PDE7B: variants seen among roughly 807,000 people sequenced by gnomAD.
The protein encoded by PDE7B is phosphodiesterase 7B, also known as 3',5'-cyclic-AMP phosphodiesterase 7B.
PDE7B carries 29 observed loss-of-function variants against 56.2 expected under a neutral mutation model. That is an observed-to-expected ratio of 0.52 (90% CI 0.38 to 0.70). The LOEUF (loss-of-function observed/expected upper bound fraction) is 0.70, where lower values mean the gene tolerates loss of function less well. Among genes scored for constraint, PDE7B ranks in the 30% least tolerant of loss-of-function variants. The pLI, the probability that PDE7B is intolerant of heterozygous loss-of-function variation, is 0.00. For synonymous variants in PDE7B, 197 were observed against 196.9 expected, an observed-to-expected ratio of 1.00 and a Z score of 0.00; for missense variants, 490 against 565.0, an observed-to-expected ratio of 0.87 and a Z score of 1.35.
intron 1 of PDE7B, among the ~76,000 whole-genome samples, chr6:135,908,241 A>C (rs1667732247): frequency 6.7e-6 from 1 of 149,852 alleles, no homozygotes; most frequent in Non-Finnish European, 1.5e-5. Context: ...GGCATGTGCC[A>C]CCACGCCCGA....
intron 1 of PDE7B, among the ~76,000 whole-genome samples, chr6:135,901,015 C>T (rs369654143): frequency 7.2e-5 from 11 of 152,142 alleles, no homozygotes; most frequent in African/African-American, 2.4e-4. Flanking sequence ...GTTTTGAATG[C>T]CACCTTGGAC....
In PDE7B at chr6:136,043,251, T is replaced by C. The variant is rs565708192; in HGVS notation, c.83-65480T>C. On this transcript the variant is annotated intron_variant, in intron 2 of 12. Coordinates refer to ENST00000308191, the MANE Select transcript of PDE7B (RefSeq NM_018945.4). The stretch of plus-strand genomic sequence containing the variant: ...TAAATGTGAATGCAAATTGAGTCAA[T>C]ACTGGAGTACATCATCTCACTTTGA... Among the ~76,000 whole-genome samples the C allele has an allele frequency of 1.7e-4, 26 of 152,318 alleles. No individual in the cohort carries two copies. In the East Asian group the frequency reaches 2.7e-3, roughly 16 times the overall value.
At chr6:135,975,211 G>T (rs1218305583) in intron 2 of PDE7B, among the ~76,000 whole-genome samples, 1 of 147,850 alleles carries the variant, frequency 6.8e-6, no homozygotes, top group Non-Finnish European at 1.5e-5. Flanking sequence ...TATACTGATT[G>T]ATAAATGTTG....
At chr6:135,907,453 G>A (rs914069555) in intron 1 of PDE7B, among the ~76,000 whole-genome samples, 3 of 151,930 alleles carry the variant, frequency 2.0e-5, no homozygotes, top group Admixed American at 6.6e-5. Context: ...GTTGCTCAGC[G>A]GTGCTTTTAG....
intron 3 of PDE7B, among the ~76,000 whole-genome samples, chr6:136,143,212 C>G (rs1042284446): frequency 6.6e-6 from 1 of 151,954 alleles, no homozygotes. Context: ...TTTTTAAACA[C>G]CATCTGAGTT....
At chr6:135,962,941 G>A (rs1774931966) in intron 2 of PDE7B, among the ~76,000 whole-genome samples, 2 of 152,154 alleles carry the variant, frequency 1.3e-5, no homozygotes, top group South Asian at 4.1e-4. Context: ...CAAAACAATA[G>A]GAAAGTCAAG....
intron 2 of PDE7B, among the ~76,000 whole-genome samples, chr6:135,961,255 A>ATGTGTGTGTGTGTGTGTGTGTGTG (rs961322926): frequency 5.3e-4 from 77 of 146,160 alleles, no homozygotes; most frequent in African/African-American, 2.0e-3. Flanking sequence ...TAGAGTGTAT[A>ATGTGTGTGTGTGTGTGTGTGTGTG]TGTGTGTGTG....
chr6:135,938,836 G>A (rs1774462348), intron 1 of PDE7B, among the ~76,000 whole-genome samples: 1 of 152,066 alleles, frequency 6.6e-6, no homozygotes, highest in Non-Finnish European at 1.5e-5. Context: ...TAAAATGACA[G>A]AAAACACAGT....
At chr6:136,017,862 T>C (rs754129930) in intron 2 of PDE7B, among the ~76,000 whole-genome samples, 16 of 152,136 alleles carry the variant, frequency 1.1e-4, no homozygotes, top group Non-Finnish European at 1.8e-4. Context: ...AATCTAAATA[T>C]GATCAAGAAG....
intron 2 of PDE7B, among the ~76,000 whole-genome samples, chr6:136,022,494 C>T (rs997117543): frequency 1.7e-4 from 26 of 152,150 alleles, no homozygotes; most frequent in African/African-American, 6.0e-4. Flanking sequence ...GGTCAAGGAC[C>T]TCATCTTTTT....
intron 2 of PDE7B, among the ~76,000 whole-genome samples, chr6:135,981,809 A>G (rs777953368): frequency 8.6e-5 from 13 of 151,674 alleles, no homozygotes; most frequent in Admixed American, 5.3e-4. Context: ...AAAATAAAGT[A>G]TAATATGGTA....
intron 2 of PDE7B, among the ~76,000 whole-genome samples, chr6:136,102,994 A>G (rs1358259252): frequency 6.6e-6 from 1 of 152,188 alleles, no homozygotes; most frequent in African/African-American, 2.4e-5. Flanking sequence ...GAAGAGAAGA[A>G]AGAACTTTTT....
chr6:136,063,768 C>A (rs933902488), intron 2 of PDE7B, among the ~76,000 whole-genome samples: 8 of 152,192 alleles, frequency 5.3e-5, no homozygotes, highest in Non-Finnish European at 1.2e-4. Flanking sequence ...TGAACGTTTA[C>A]TCAAAATTGT....
At chr6:136,115,922 G>T (rs995561568) in intron 3 of PDE7B, among the ~76,000 whole-genome samples, 3 of 152,098 alleles carry the variant, frequency 2.0e-5, no homozygotes, top group Admixed American at 6.5e-5. Context: ...CCGGGGAGAT[G>T]GGGGAGAAAC....
At chr6:135,951,636 A>G (rs142477243) in intron 2 of PDE7B, among the ~76,000 whole-genome samples, 1 of 152,122 alleles carries the variant, frequency 6.6e-6, no homozygotes, top group African/African-American at 2.4e-5. Context: ...TTTTCTTATT[A>G]TTAGAATGGG....
At chr6:136,136,725 A>G (rs1459373114) in intron 3 of PDE7B, among the ~76,000 whole-genome samples, 2 of 151,766 alleles carry the variant, frequency 1.3e-5, no homozygotes, top group East Asian at 3.9e-4. Flanking sequence ...TAAAAATAAA[A>G]CAATTATAAG....
intron 6 of PDE7B, among the ~76,000 whole-genome samples, chr6:136,152,826 A>G (rs1778542632): frequency 6.6e-6 from 1 of 152,196 alleles, no homozygotes; most frequent in Admixed American, 6.5e-5. Context: ...CCAGGTTTCT[A>G]TGGTGCTTAC....
At chr6:136,054,797 C>G (rs1031271744) in intron 2 of PDE7B, among the ~76,000 whole-genome samples, 1 of 152,094 alleles carries the variant, frequency 6.6e-6, no homozygotes, top group Non-Finnish European at 1.5e-5. Context: ...AGGGAGGCCT[C>G]ACAATCGTGG....
intron 1 of PDE7B, among the ~76,000 whole-genome samples, chr6:135,898,627 T>C (rs565535979): frequency 6.6e-6 from 1 of 152,288 alleles, no homozygotes; most frequent in South Asian, 2.1e-4. Context: ...TTTTAAATTA[T>C]ATACTTTCTT....
Sources: allele counts gnomAD v4.1 joint callset (sites outside exome capture counted in the v4.1 genomes callset), GRCh38; gene constraint gnomAD v4.1.1; transcripts MANE v1.5; gene names NCBI Gene and HGNC (gene_info 2026-07-23, HGNC 2026-07-21).